PCDHA8: variants seen among roughly 807,000 people sequenced by gnomAD.
The protein encoded by PCDHA8 is protocadherin alpha-8.
Under a neutral mutation model 61.8 loss-of-function variants are expected in PCDHA8, and 53 were observed. The ratio of observed to expected loss-of-function variants is 0.86; its 90% CI spans 0.69 to 1.08. The LOEUF (loss-of-function observed/expected upper bound fraction) is 1.08, where lower values mean the gene tolerates loss of function less well. Among genes scored for constraint, PCDHA8 ranks in the 50% least tolerant of loss-of-function variants. The pLI is 0.00. For missense variants in PCDHA8, 1,293 were observed against 1,245.0 expected, an observed-to-expected ratio of 1.04 and a Z score of -0.58; for synonymous variants, 618 against 556.6, an observed-to-expected ratio of 1.11 and a Z score of -1.55.
At chr5:140,941,553 G>T in intron 1 of PCDHA8, among the ~76,000 whole-genome samples, 1 of 151,656 alleles carries the variant, frequency 6.6e-6, no homozygotes, top group East Asian at 2.0e-4. Context: ...CTGACCTCGT[G>T]ATCCATTCGC....
At chr5:140,890,776 A>G (rs1554184541) in intron 1 of PCDHA8, among the ~76,000 whole-genome samples, 1 of 152,316 alleles carries the variant, frequency 6.6e-6, no homozygotes, top group Non-Finnish European at 1.5e-5. Flanking sequence ...TTAAAACCCC[A>G]TAAGATATTA....
At chr5:140,876,394 C>T in intron 1 of PCDHA8, 1 of 1,613,826 alleles carries the variant, frequency 6.2e-7, no homozygotes, top group Non-Finnish European at 8.5e-7. Flanking sequence ...TTATGGTGAA[C>T]TGGATTTTGA....
At chr5:140,985,531 C>T (rs542453995) in intron 3 of PCDHA8, among the ~76,000 whole-genome samples, 102 of 152,254 alleles carry the variant, frequency 6.7e-4, no homozygotes, top group African/African-American at 1.9e-3. Context: ...TAAAGCTTCA[C>T]GGTGAAGATG....
intron 1 of PCDHA8, among the ~76,000 whole-genome samples, chr5:140,975,398 TCA>T (rs1554236785): frequency 1.3e-4 from 20 of 152,270 alleles, no homozygotes. Flanking sequence ...TCCATCACAA[TCA>T]CAGTCTTGGA....
At chr5:140,918,640 G>C (rs2078789038) in intron 1 of PCDHA8, among the ~76,000 whole-genome samples, 1 of 152,132 alleles carries the variant, frequency 6.6e-6, no homozygotes, top group Admixed American at 6.5e-5. Flanking sequence ...TTCATAAATT[G>C]AAACCTAATT....
chr5:140,851,638 T>A (rs2042116024), intron 1 of PCDHA8: 2 of 915,858 alleles, frequency 2.2e-6, no homozygotes, highest in Non-Finnish European at 2.7e-6. Context: ...AAGTGTTTCC[T>A]TTCTTCAAGA....
At chr5:140,872,497 C>G (rs1554166232) in intron 1 of PCDHA8, among the ~76,000 whole-genome samples, 1 of 152,150 alleles carries the variant, frequency 6.6e-6, no homozygotes. Context: ...CCTAGTGGTG[C>G]ATGCCTGTAG....
At position 140,978,807 on chromosome 5, in the gene PCDHA8, A is replaced by G. The variant is rs1489269679; in HGVS notation, c.2395-142A>G. 3.3e-6 allele frequency: 5 copies of G among 1,494,726 alleles called. No individual in the cohort carries two copies. In the African/African-American group the frequency reaches 4.2e-5, roughly 12 times the overall value. The allele number at this position is 1,494,726 out of a possible 1,614,324, so 92.6% of individuals were successfully genotyped here. A position where few individuals can be genotyped will look rare whatever the true frequency, so the allele number is the denominator to read the frequency against. ...AAGTGCTATATATGTAGATATCATC[A>G]TAGAGTTACACATGAAATGGCTCAT... On this transcript the variant is annotated intron_variant, in intron 1 of 3. Coordinates refer to ENST00000531613, the MANE Select transcript of PCDHA8 (RefSeq NM_018911.3).
rs111750019 is a variant in PCDHA8 at position 140,843,615 on chromosome 5, C to T, written c.2294C>T (p.Pro765Leu). The T allele has an allele frequency of 1.3e-6, 2 of 1,595,902 alleles. No homozygotes were observed. The highest frequency in any genetic ancestry group is 1.7e-6 in the Non-Finnish European group (2 of 1,165,540). Residue 765 changes from proline (P) to leucine (L), a missense_variant, in exon 1 of 4, where the codon CCG becomes CTG. By Grantham distance (98) the Pro-to-Leu change is moderately conservative (BLOSUM62 -3). Coordinates refer to ENST00000531613, the MANE Select transcript of PCDHA8 (RefSeq NM_018911.3). The part of the protein sequence containing the change: ...PQRVCSGEGP[P>L]KTDLMAFSPC... ...AGGGTGTGCTCTGGTGAGGGGCCAC[C>T]GAAGACGGACCTCATGGCCTTCAGC...
At chr5:140,927,076 C>T (rs142317713) in intron 1 of PCDHA8, 7 of 1,611,008 alleles carry the variant, frequency 4.3e-6, no homozygotes, top group Non-Finnish European at 5.1e-6. Context: ...TTCCAGCCAC[C>T]GCGAGCTCTA....
intron 1 of PCDHA8, chr5:140,849,848 C>G (rs1554143388): frequency 1.9e-6 from 3 of 1,598,430 alleles, no homozygotes; most frequent in African/African-American, 1.3e-5. Flanking sequence ...TGAACGACAA[C>G]GCACCAGCGT....
At chr5:140,878,899 G>T (rs1301967468) in intron 1 of PCDHA8, among the ~76,000 whole-genome samples, 2 of 152,152 alleles carry the variant, frequency 1.3e-5, no homozygotes, top group Non-Finnish European at 2.9e-5. Context: ...CTACAGGCAG[G>T]CTCCACCACT....
At chr5:140,997,884 C>G (rs2097789340) in intron 3 of PCDHA8, among the ~76,000 whole-genome samples, 1 of 152,076 alleles carries the variant, frequency 6.6e-6, no homozygotes, top group African/African-American at 2.4e-5. Context: ...AGTATTTATA[C>G]AGGATAAATT....
At chr5:140,900,013 T>A (rs1351991303) in intron 1 of PCDHA8, among the ~76,000 whole-genome samples, 1 of 152,062 alleles carries the variant, frequency 6.6e-6, no homozygotes, top group Admixed American at 6.6e-5. Flanking sequence ...TCTCACTTTG[T>A]TACCCAGTTT....
chr5:140,929,163 G>T lies in PCDHA8; in HGVS notation c.2395-49786G>T, dbSNP rs142058597. On this transcript the variant is annotated intron_variant, in intron 1 of 3. Coordinates refer to ENST00000531613, the MANE Select transcript of PCDHA8 (RefSeq NM_018911.3). ...GACTTTCTCAGACTTATCTCTATCG[G>T]GCCTCTCTGGGACTTGGTTCTGATA... 2.4e-4 allele frequency: 385 copies of T among 1,614,058 alleles called. 2 individuals carry two copies. In the African/African-American group the frequency reaches 4.5e-3, roughly 19 times the overall value.
intron 1 of PCDHA8, chr5:140,871,547 A>T: frequency 6.7e-7 from 1 of 1,498,966 alleles, no homozygotes; most frequent in Non-Finnish European, 8.9e-7. Flanking sequence ...AATTATTTAA[A>T]ATCCAGTTTT....
Position 140,843,133 on chromosome 5 carries a change from C to A in PCDHA8, c.1812C>A (p.Asn604Lys), listed in dbSNP as rs2150353566. 4 of 1,595,862 alleles carry A rather than the reference C, an allele frequency of 2.5e-6. No homozygotes were observed. Among genetic ancestry groups the A allele is most frequent in the African/African-American group, 2.7e-5 (2 of 74,450 alleles). Residue 604 changes from asparagine to lysine, a missense_variant, in exon 1 of 4, where the codon AAC (asparagine) becomes AAA (lysine). By Grantham distance (94) the Asn-to-Lys change is moderately conservative (BLOSUM62 0). Transcript: ENST00000531613. ...VRAVDADSGY[N>K]AWLSYELQPA... ...CAGTGGACGCCGACTCGGGCTACAA[C>A]GCGTGGCTTTCGTATGAGCTGCAGC... is the stretch of plus-strand genomic sequence containing the variant.
Position 140,869,430 on chromosome 5 carries a change from C to A in PCDHA8, c.2394+25715C>A, listed in dbSNP as rs73793507. On this transcript the variant is annotated intron_variant, in intron 1 of 3. Transcript: ENST00000531613. ...AGTGCAGCATCCACCTGGAGGTGATCGTGGACAGGCCGCTGCAGGTTTTCC... is the reference window on the plus strand; with the variant it reads ...AGTGCAGCATCCACCTGGAGGTGATAGTGGACAGGCCGCTGCAGGTTTTCC... 7.1e-4 allele frequency: 1,143 copies of A among 1,614,154 alleles called. 9 individuals are homozygous for A. In the African/African-American group the frequency reaches 0.013, roughly 18 times the overall value.
At chr5:140,941,506 G>A (rs556309408) in intron 1 of PCDHA8, among the ~76,000 whole-genome samples, 3 of 151,236 alleles carry the variant, frequency 2.0e-5, no homozygotes, top group Non-Finnish European at 4.4e-5. Flanking sequence ...TAGTAGAGAC[G>A]AGGTTTCACC....
Sources: gnomAD v4.1 joint callset for allele counts (sites outside exome capture counted in the v4.1 genomes callset) on GRCh38, gnomAD v4.1.1 for gene constraint, MANE v1.5 for transcripts, NCBI Gene and HGNC (gene_info 2026-07-23, HGNC 2026-07-21) for gene names.